HMCN2: variants seen among roughly 807,000 people sequenced by gnomAD.
HMCN2 encodes the protein hemicentin 2, also known as hemicentin-2.
Under a neutral mutation model 377.5 loss-of-function variants are expected in HMCN2, and 325 were observed. The observed-to-expected ratio is 0.86, with a 90% CI of 0.79 to 0.94. HMCN2 has a LOEUF of 0.94. HMCN2 is among the 40% of genes least tolerant of loss of function. HMCN2 has a pLI of 0.00. For missense variants in HMCN2, 4,543 were observed against 4,725.3 expected (o/e 0.96, Z 1.13); for synonymous variants, 2,007 against 2,046.8 (o/e 0.98, Z 0.53).
At chr9:130,375,464 A>T in intron 49 of HMCN2, 99 bp from the exon 50 acceptor site, 1 of 613,100 alleles carries the variant, frequency 1.6e-6, no homozygotes, top group Non-Finnish European at 2.0e-6. Flanking sequence ...TAACTGACAG[A>T]AGTACCGAGG....
chr9:130,389,852 G>A (rs1274470074), intron 62 of HMCN2, among the ~76,000 whole-genome samples: 1 of 152,188 alleles, frequency 6.6e-6, no homozygotes, highest in Non-Finnish European at 1.5e-5. Flanking sequence ...TGGGATTATA[G>A]GCATGAGCCA....
intron 62 of HMCN2, among the ~76,000 whole-genome samples, 189 bp from the exon 63 acceptor site, chr9:130,390,788 C>T (rs1842278096): frequency 6.6e-6 from 1 of 151,828 alleles, no homozygotes; most frequent in Admixed American, 6.5e-5. Context: ...AAATCCTGGA[C>T]ACTGAAGGGA....
chr9:130,427,382 G>A lies in HMCN2; in HGVS notation c.13942+7G>A, dbSNP rs549520869. ...CAGGGAGCGTTTTGTGTGGGTGAGC[G>A]CCCCCAACCCTGGCATGGATGTGGG... On this transcript the variant is annotated splice_region_variant and intron_variant, in intron 91 of 97. Coordinates refer to ENST00000683500, the MANE Select transcript of HMCN2 (RefSeq NM_001291815.2). 74 of 1,550,552 alleles carry A rather than the reference G, an allele frequency of 4.8e-5. 2 individuals are homozygous for A. The South Asian group carries it at 7.1e-4, about 15-fold the overall frequency.
chr9:130,357,651 A>G (rs1046385226), intron 34 of HMCN2, among the ~76,000 whole-genome samples, 183 bp from the exon 35 acceptor site: 2 of 152,112 alleles, frequency 1.3e-5, no homozygotes, highest in Admixed American at 1.3e-4. Context: ...GCTGGCTCCC[A>G]GTCTAGAGCT....
Position 130,375,742 on chromosome 9 carries a change from G to T in HMCN2, c.7804+6G>T. On this transcript the variant is annotated splice_donor_region_variant and intron_variant, in intron 50 of 97. Transcript: ENST00000683500. ...GAACATCCAGCTGCTCCCAGGTGAC[G>T]CCCTCTGGGGGGAAAGGAGGGAGGG... is the stretch of plus-strand genomic sequence containing the variant. 1 of 985,732 alleles carries T rather than the reference G, an allele frequency of 1.0e-6. No homozygotes were observed. The highest frequency in any genetic ancestry group is 1.2e-6 in the Non-Finnish European group (1 of 829,840). 61.1% of individuals were successfully genotyped at this position (985,732 alleles called of 1,614,324 possible). A position where few individuals can be genotyped will look rare whatever the true frequency, so the allele number is the denominator to read the frequency against.
At chr9:130,378,552 G>A (rs1295699122) in intron 53 of HMCN2, among the ~76,000 whole-genome samples, 1 of 141,054 alleles carries the variant, frequency 7.1e-6, no homozygotes, top group Non-Finnish European at 1.5e-5. Flanking sequence ...GGAAGGGGAG[G>A]CTGGGAGCGG....
Position 130,388,535 on chromosome 9 carries a change from C to T in HMCN2, c.9518C>T (p.Pro3173Leu). 1.0e-6 allele frequency: 1 copy of T among 988,138 alleles called. No individual in the cohort carries two copies. The highest frequency in any genetic ancestry group is 1.7e-5 in the African/African-American group (1 of 57,428). 61.2% of individuals were successfully genotyped at this position (988,138 alleles called of 1,614,324 possible). ...GTCACTTGGCTGAAGGACAGGATGC[C>T]TGTGGGTGAGCACATCTGTCCTTGT... ...PTVTWLKDRMPVESSAVHGVV... is the reference protein window; with the variant it reads ...PTVTWLKDRMLVESSAVHGVV... The change falls in exon 62 of 98, where the codon CCT becomes CTT. Residue 3173 changes from proline to leucine, a missense_variant. Pro to Leu is a moderately conservative substitution (Grantham distance 98). Transcript: ENST00000683500.
intron 22 of HMCN2, among the ~76,000 whole-genome samples, chr9:130,336,941 A>G (rs1156284921): frequency 6.6e-6 from 1 of 152,046 alleles, no homozygotes; most frequent in Non-Finnish European, 1.5e-5. Flanking sequence ...GCTCAGCAGA[A>G]AGCAAGGTGG....
intron 85 of HMCN2, among the ~76,000 whole-genome samples, chr9:130,417,146 C>T (rs1450971479): frequency 6.6e-6 from 1 of 151,336 alleles, no homozygotes; most frequent in African/African-American, 2.4e-5. Context: ...TTCCTAGGTT[C>T]AAGCAATCCA....
intron 19 of HMCN2, among the ~76,000 whole-genome samples, chr9:130,322,994 G>A (rs1026094020): frequency 0.021 from 3,267 of 152,252 alleles, 48 homozygotes; most frequent in Middle Eastern, 0.037. Flanking sequence ...TGGGTTGAGC[G>A]CTCAGGTGCA....
intron 40 of HMCN2, among the ~76,000 whole-genome samples, chr9:130,364,053 A>G (rs1840555836): frequency 1.3e-5 from 2 of 152,258 alleles, no homozygotes; most frequent in South Asian, 4.1e-4. Context: ...GCGGGAGGTT[A>G]TAGGAAGGAT....
intron 82 of HMCN2, chr9:130,406,697 C>A (rs1216699976): frequency 6.3e-6 from 1 of 159,240 alleles, no homozygotes; most frequent in African/African-American, 2.4e-5. Flanking sequence ...AATACCCGTG[C>A]TCACCTGTGG....
chr9:130,413,925 C>A lies in HMCN2; in HGVS notation c.12961+3273C>A, dbSNP rs1227191855. 2.0e-5 allele frequency among the ~76,000 whole-genome samples: 3 copies of A among 150,792 alleles called. No individual in the cohort carries two copies. The South Asian group carries it at 6.3e-4, about 31-fold the overall frequency. On this transcript the variant is annotated intron_variant, in intron 85 of 97. Transcript: ENST00000683500. ...CTTTGGGAGACTGAGGCAGCCAGAT[C>A]GCTTGAGCTCAGGAATTTGATATCA...
intron 7 of HMCN2, among the ~76,000 whole-genome samples, chr9:130,297,318 T>A (rs1398741244): frequency 1.3e-5 from 2 of 151,858 alleles, no homozygotes; most frequent in Non-Finnish European, 2.9e-5. Context: ...GGGGGGGATA[T>A]TGAGGGTGGA....
At chr9:130,398,271 G>A (rs539702796) in intron 74 of HMCN2, among the ~76,000 whole-genome samples, 1 of 152,076 alleles carries the variant, frequency 6.6e-6, no homozygotes, top group South Asian at 2.1e-4. Context: ...AGAGGTTGCT[G>A]TGGTGGGCCC....
chr9:130,399,502 C>A lies in HMCN2; in HGVS notation c.11484-9C>A. The A allele has an allele frequency of 7.8e-7, 1 of 1,275,156 alleles. No individual in the cohort carries two copies. Among genetic ancestry groups the A allele is most frequent in the Non-Finnish European group, 1.0e-6 (1 of 978,410 alleles). 79.0% of individuals were successfully genotyped at this position (1,275,156 alleles called of 1,614,324 possible). A position where few individuals can be genotyped will look rare whatever the true frequency, so the allele number is the denominator to read the frequency against. On this transcript the variant is annotated splice_polypyrimidine_tract_variant and intron_variant, in intron 75 of 97. Transcript: ENST00000683500. The stretch of plus-strand genomic sequence containing the variant: ...AGCAGCCACTTGGCCGTCTGTCTGT[C>A]CACCCCAGGCTCCTGCCCTCCAACG...
Position 130,388,291 on chromosome 9 carries a change from CAT to C in HMCN2, c.9392-116_9392-115del, listed in dbSNP as rs1419649504. The C allele has an allele frequency of 7.8e-6, 5 of 639,726 alleles. No individual in the cohort carries two copies. In the African/African-American group the frequency reaches 7.9e-5, roughly 10 times the overall value. 39.6% of individuals were successfully genotyped at this position (639,726 alleles called of 1,614,324 possible). A position where few individuals can be genotyped will look rare whatever the true frequency, so the allele number is the denominator to read the frequency against. ...GTTCTATTTACATTTGTGAATAAAA[CAT>C]AGAATGGGAACTCCTAACTACCAGG... On this transcript the variant is annotated intron_variant, in intron 61 of 97. Transcript: ENST00000683500.
chr9:130,328,327 G>T (rs971058628), intron 22 of HMCN2, among the ~76,000 whole-genome samples: 1 of 152,170 alleles, frequency 6.6e-6, no homozygotes, highest in Non-Finnish European at 1.5e-5. Context: ...GGTGTGGCGG[G>T]GGGCCGTGGG....
chr9:130,294,392 T>C (rs1357421336), intron 4 of HMCN2, among the ~76,000 whole-genome samples: 1 of 152,192 alleles, frequency 6.6e-6, no homozygotes, highest in East Asian at 1.9e-4. Context: ...CCTGAAGTCT[T>C]TGCAGCAGTG....
Sources: gnomAD v4.1 joint callset for allele counts (sites outside exome capture counted in the v4.1 genomes callset) on GRCh38, gnomAD v4.1.1 for gene constraint, MANE v1.5 for transcripts, NCBI Gene and HGNC (gene_info 2026-07-23, HGNC 2026-07-21) for gene names.